FNDC3B: variants seen among roughly 807,000 people sequenced by gnomAD.
FNDC3B encodes fibronectin type III domain containing 3B, also known as fibronectin type III domain-containing protein 3B.
Under a neutral mutation model 151.5 loss-of-function variants are expected in FNDC3B, and 12 were observed. The ratio of observed to expected loss-of-function variants is 0.08; its 90% CI spans 0.05 to 0.13. FNDC3B has a LOEUF of 0.13. Ranked by LOEUF, FNDC3B falls within the 10% of genes least tolerant of loss-of-function variation. The probability of loss-of-function intolerance (pLI) is 1.00; values close to 1 mark genes in which losing one functional copy is unlikely to be tolerated. For synonymous variants in FNDC3B, 528 were observed against 549.0 expected, an observed-to-expected ratio of 0.96 and a Z score of 0.54; for missense variants, 1,214 against 1,505.3, an observed-to-expected ratio of 0.81 and a Z score of 3.20.
At chr3:172,389,618 C>G (rs984546468) in intron 25 of FNDC3B, among the ~76,000 whole-genome samples, 1 of 152,186 alleles carries the variant, frequency 6.6e-6, no homozygotes, top group Non-Finnish European at 1.5e-5. Flanking sequence ...GTAATCCCAG[C>G]ACTTTGGGAG....
intron 1 of FNDC3B, among the ~76,000 whole-genome samples, chr3:172,045,766 GTCTC>G (rs67916203): frequency 0.13 from 18,908 of 146,652 alleles, 1,717 homozygotes; most frequent in African/African-American, 0.25. Flanking sequence ...TTTACTGAGT[GTCTC>G]TCTCTCTCTC....
At chr3:172,349,755 A>T (rs1733770784) in intron 21 of FNDC3B, among the ~76,000 whole-genome samples, 1 of 152,130 alleles carries the variant, frequency 6.6e-6, no homozygotes, top group African/African-American at 2.4e-5. Flanking sequence ...TCACAGGTTC[A>T]AGCGATTCTC....
chr3:172,399,707 T>C lies in FNDC3B; in HGVS notation c.*2232T>C, dbSNP rs1300773475. On this transcript the variant is annotated 3_prime_UTR_variant, in exon 26 of 26. Coordinates refer to ENST00000415807, the MANE Select transcript of FNDC3B (RefSeq NM_022763.4). ...TTCTAAAAAATTCCATGCAGGTGTT[T>C]TGGGGAGAGGTATTTTTTAAGCAAT... 6 of 152,598 alleles carry C rather than the reference T, an allele frequency of 3.9e-5. No individual in the cohort carries two copies. Among genetic ancestry groups the C allele is most frequent in the Non-Finnish European group, 8.8e-5 (6 of 68,016 alleles). The allele number at this position is 152,598 out of a possible 1,614,324, so 9.5% of individuals were successfully genotyped here. A position where few individuals can be genotyped will look rare whatever the true frequency, so the allele number is the denominator to read the frequency against.
chr3:172,327,985 G>T (rs187192673), intron 11 of FNDC3B, among the ~76,000 whole-genome samples: 7 of 152,304 alleles, frequency 4.6e-5, no homozygotes, highest in Admixed American at 4.6e-4. Context: ...CATGAACATG[G>T]ATAAGATAGT....
At chr3:172,280,529 G>A (rs552226493) in intron 6 of FNDC3B, among the ~76,000 whole-genome samples, 1 of 152,312 alleles carries the variant, frequency 6.6e-6, no homozygotes, top group African/African-American at 2.4e-5. Context: ...GAAAGCATAT[G>A]ATGTTATGAC....
At chr3:172,315,572 A>AT (rs1731739761) in intron 11 of FNDC3B, among the ~76,000 whole-genome samples, 1 of 152,098 alleles carries the variant, frequency 6.6e-6, no homozygotes, top group South Asian at 2.1e-4. Context: ...ATTTTTGTAG[A>AT]TTTTTAGCCG....
chr3:172,196,801 G>A (rs113856748), intron 3 of FNDC3B, among the ~76,000 whole-genome samples: 59 of 152,288 alleles, frequency 3.9e-4, no homozygotes, highest in South Asian at 8.3e-4. Context: ...GAAGACAGCC[G>A]GAGCTCTCAG....
chr3:172,264,021 C>T (rs1485576242), intron 6 of FNDC3B, among the ~76,000 whole-genome samples: 1 of 152,086 alleles, frequency 6.6e-6, no homozygotes, highest in Non-Finnish European at 1.5e-5. Flanking sequence ...GGGTCTTGCT[C>T]TGTTACCCAG....
At chr3:172,151,170 T>G (rs888727362) in intron 3 of FNDC3B, among the ~76,000 whole-genome samples, 3 of 152,332 alleles carry the variant, frequency 2.0e-5, no homozygotes, top group East Asian at 3.9e-4. Flanking sequence ...TGTGTGCATA[T>G]GTATGCATAT....
intron 1 of FNDC3B, among the ~76,000 whole-genome samples, chr3:172,100,754 A>G (rs1159076306): frequency 6.6e-6 from 1 of 152,202 alleles, no homozygotes; most frequent in Non-Finnish European, 1.5e-5. Flanking sequence ...GTGAAAAACA[A>G]AGCTGCTTAT....
At chr3:172,112,327 A>G (rs1453648410) in intron 1 of FNDC3B, 125 bp from the exon 2 acceptor site, 2 of 659,378 alleles carry the variant, frequency 3.0e-6, no homozygotes, top group East Asian at 5.4e-5. Context: ...ATAATAATAC[A>G]GGGCTCTCAA....
intron 3 of FNDC3B, among the ~76,000 whole-genome samples, chr3:172,166,695 C>T (rs1723019505): frequency 6.6e-6 from 1 of 152,086 alleles, no homozygotes; most frequent in Non-Finnish European, 1.5e-5. Context: ...TTTGAGGCTG[C>T]AGTGCCCTAT....
intron 6 of FNDC3B, among the ~76,000 whole-genome samples, chr3:172,282,783 C>G (rs1729806420): frequency 6.6e-6 from 1 of 152,218 alleles, no homozygotes; most frequent in African/African-American, 2.4e-5. Flanking sequence ...TCTCTATTAA[C>G]TCTTCATGAT....
intron 1 of FNDC3B, among the ~76,000 whole-genome samples, chr3:172,086,360 T>TA (rs11417506): frequency 0.071 from 10,458 of 147,320 alleles, 1,128 homozygotes; most frequent in African/African-American, 0.24. Context: ...ACCTGATCTT[T>TA]AAAAAAAAAA....
At chr3:172,238,708 A>G (rs1384355159) in intron 4 of FNDC3B, among the ~76,000 whole-genome samples, 5 of 152,170 alleles carry the variant, frequency 3.3e-5, no homozygotes, top group East Asian at 1.9e-4. Context: ...ATTATCTACC[A>G]TATTAGAAAA....
chr3:172,385,631 T>C (rs1267849916), intron 25 of FNDC3B, among the ~76,000 whole-genome samples: 2 of 151,162 alleles, frequency 1.3e-5, no homozygotes. Flanking sequence ...TGATCTCGGC[T>C]CACTGCAAGG....
At chr3:172,110,713 A>G (rs774611882) in intron 1 of FNDC3B, among the ~76,000 whole-genome samples, 55 of 152,204 alleles carry the variant, frequency 3.6e-4, no homozygotes, top group Middle Eastern at 6.8e-3. Context: ...CAAGTGCCCA[A>G]GGAGGAGGGA....
chr3:172,366,632 G>A (rs1054793508), intron 23 of FNDC3B, among the ~76,000 whole-genome samples: 3 of 152,172 alleles, frequency 2.0e-5, no homozygotes, highest in Non-Finnish European at 4.4e-5. Flanking sequence ...GTGGGTAATG[G>A]TAGAACACAG....
chr3:172,175,677 C>T (rs916470213), intron 3 of FNDC3B, among the ~76,000 whole-genome samples: 1 of 152,154 alleles, frequency 6.6e-6, no homozygotes, highest in African/African-American at 2.4e-5. Context: ...AATCTAGAAG[C>T]AGAATTTACA....
Sources: gnomAD v4.1 joint callset for allele counts (sites outside exome capture counted in the v4.1 genomes callset) on GRCh38, gnomAD v4.1.1 for gene constraint, MANE v1.5 for transcripts, NCBI Gene and HGNC (gene_info 2026-07-23, HGNC 2026-07-21) for gene names.